BABAM2: variants seen among roughly 807,000 people sequenced by gnomAD.
The protein encoded by BABAM2 is BRISC and BRCA1 A complex member 2, also known as BRISC and BRCA1-A complex member 2.
Under a neutral mutation model 54.7 loss-of-function variants are expected in BABAM2, and 31 were observed. The ratio of observed to expected loss-of-function variants is 0.57; its 90% CI spans 0.43 to 0.77. The LOEUF is 0.77. Ranked by LOEUF, BABAM2 falls within the 30% of genes least tolerant of loss-of-function variation. The probability of loss-of-function intolerance (pLI) is 0.00; values close to 1 mark genes in which losing one functional copy is unlikely to be tolerated. For missense variants in BABAM2, 364 were observed against 455.8 expected, an observed-to-expected ratio of 0.80 and a Z score of 1.83; for synonymous variants, 167 against 162.9, an observed-to-expected ratio of 1.03 and a Z score of -0.19.
At chr2:27,932,648 C>T (rs1262955216) in intron 3 of BABAM2, among the ~76,000 whole-genome samples, 1 of 152,114 alleles carries the variant, frequency 6.6e-6, no homozygotes, top group East Asian at 1.9e-4. Flanking sequence ...ACCTGATCAC[C>T]CTGTCATTTT....
intron 7 of BABAM2, among the ~76,000 whole-genome samples, chr2:28,159,366 G>A (rs1477310710): frequency 1.3e-5 from 2 of 152,208 alleles, no homozygotes; most frequent in Admixed American, 1.3e-4. Context: ...TAGCAGCCCA[G>A]TGGAAAGAGC....
chr2:28,014,249 T>C (rs1305853302), intron 4 of BABAM2, among the ~76,000 whole-genome samples: 1 of 152,176 alleles, frequency 6.6e-6, no homozygotes, highest in Non-Finnish European at 1.5e-5. Flanking sequence ...AAAGATTCTT[T>C]TCAAATAACA....
intron 8 of BABAM2, 98 bp downstream of exon 8, chr2:28,237,399 G>T (rs75803941): frequency 1.9e-6 from 2 of 1,080,114 alleles, no homozygotes; most frequent in African/African-American, 1.5e-5. Flanking sequence ...TTCTCGGACC[G>T]ACTGCTCAGT....
chr2:28,063,726 C>G (rs1275887313), intron 6 of BABAM2, among the ~76,000 whole-genome samples: 1 of 152,170 alleles, frequency 6.6e-6, no homozygotes, highest in Non-Finnish European at 1.5e-5. Flanking sequence ...GCTCCTATAA[C>G]CAGCTCTTCT....
At chr2:28,023,387 G>A (rs1675414002) in intron 4 of BABAM2, among the ~76,000 whole-genome samples, 1 of 152,126 alleles carries the variant, frequency 6.6e-6, no homozygotes, top group Admixed American at 6.5e-5. Flanking sequence ...GCTTATAAAT[G>A]TTTAGCAATG....
chr2:28,273,584 T>C (rs1685621861), intron 10 of BABAM2, among the ~76,000 whole-genome samples: 1 of 152,128 alleles, frequency 6.6e-6, no homozygotes, highest in Non-Finnish European at 1.5e-5. Flanking sequence ...CTGCATGTAG[T>C]GGCATGGACT....
intron 10 of BABAM2, among the ~76,000 whole-genome samples, chr2:28,293,981 A>G (rs1465170375): frequency 6.6e-6 from 1 of 152,248 alleles, no homozygotes; most frequent in Non-Finnish European, 1.5e-5. Context: ...GTATATGGGA[A>G]GAAGGAAATA....
At chr2:28,298,596 T>G in intron 11 of BABAM2, 105 bp downstream of exon 11, 1 of 1,375,346 alleles carries the variant, frequency 7.3e-7, no homozygotes, top group Non-Finnish European at 9.9e-7. Flanking sequence ...CTGTGCATGT[T>G]TTTGTAAATA....
chr2:27,919,765 A>G (rs1667220414), intron 2 of BABAM2, among the ~76,000 whole-genome samples: 1 of 152,202 alleles, frequency 6.6e-6, no homozygotes, highest in Non-Finnish European at 1.5e-5. Flanking sequence ...CATCATTCCT[A>G]CTGAAACCAT....
At chr2:28,073,024 T>A (rs948585578) in intron 6 of BABAM2, among the ~76,000 whole-genome samples, 2 of 152,244 alleles carry the variant, frequency 1.3e-5, no homozygotes, top group Non-Finnish European at 2.9e-5. Flanking sequence ...AATGCCATGC[T>A]GCCTTTCCTT....
At chr2:28,296,388 A>G (rs995056724) in intron 10 of BABAM2, among the ~76,000 whole-genome samples, 17 of 152,202 alleles carry the variant, frequency 1.1e-4, no homozygotes, top group African/African-American at 4.1e-4. Flanking sequence ...AAATGTGACT[A>G]AAGAGTGGAC....
chr2:28,244,511 G>A (rs1425120849), intron 9 of BABAM2, among the ~76,000 whole-genome samples: 1 of 151,856 alleles, frequency 6.6e-6, no homozygotes, highest in Admixed American at 6.6e-5. Flanking sequence ...TTTTATACTT[G>A]TTTTGCAGGT....
rs576892163 is a variant in BABAM2, at chr2:28,075,804, A to G, written c.570+30005A>G. Among the ~76,000 whole-genome samples the G allele has an allele frequency of 7.9e-5, 12 of 152,300 alleles. No individual in the cohort carries two copies. In the South Asian group the frequency reaches 2.1e-3, roughly 26 times the overall value. On this transcript the variant is annotated intron_variant, in intron 6 of 11. Coordinates refer to ENST00000379624, the MANE Select transcript of BABAM2 (RefSeq NM_199191.3). ...TGATTCCTGAAACTATAATAGAACT[A>G]TTATTTTCACTTCATTTGAATGAGA...
At chr2:27,980,584 A>G (rs1285659217) in intron 3 of BABAM2, among the ~76,000 whole-genome samples, 1 of 152,236 alleles carries the variant, frequency 6.6e-6, no homozygotes, top group Admixed American at 6.5e-5. Context: ...TCTGAGGTTG[A>G]AGGTAGGAGC....
chr2:28,250,784 A>G (rs754602237), intron 10 of BABAM2, among the ~76,000 whole-genome samples: 4 of 152,086 alleles, frequency 2.6e-5, no homozygotes, highest in Non-Finnish European at 5.9e-5. Context: ...TGTTTTTAGT[A>G]GAGACAGGGT....
At position 28,188,039 on chromosome 2, in the gene BABAM2, C is replaced by T. The variant is rs548235482; in HGVS notation, c.681-49163C>T. Among the ~76,000 whole-genome samples the T allele has an allele frequency of 5.9e-5, 9 of 152,096 alleles. No homozygotes were observed. In the South Asian group the frequency reaches 8.3e-4, roughly 14 times the overall value. ...AAGGACTCAAGTATTTTTCCCCGGG[C>T]GCAGGCAGTAGATATATATGTATTC... is the stretch of plus-strand genomic sequence containing the variant. On this transcript the variant is annotated intron_variant, in intron 7 of 11. Coordinates refer to ENST00000379624, the MANE Select transcript of BABAM2 (RefSeq NM_199191.3).
rs192210275 is a variant in BABAM2 at position 28,249,213 on chromosome 2, C to T, written c.934+4351C>T. Among the ~76,000 whole-genome samples the T allele has an allele frequency of 2.8e-4, 42 of 151,892 alleles. No homozygotes were observed. In the East Asian group the frequency reaches 8.0e-3, roughly 29 times the overall value. Reference sequence around the variant, plus strand: ...AAGCGTTTCTTCTGCCTCAGCCTCCCGAGTAGCTGGGACTACAGGCATGTG... The same window carrying T: ...AAGCGTTTCTTCTGCCTCAGCCTCCTGAGTAGCTGGGACTACAGGCATGTG... On this transcript the variant is annotated intron_variant, in intron 10 of 11. Transcript: ENST00000379624.
chr2:27,964,875 G>A (rs893249470), intron 3 of BABAM2, among the ~76,000 whole-genome samples: 6 of 152,172 alleles, frequency 3.9e-5, no homozygotes, highest in African/African-American at 7.2e-5. Flanking sequence ...CCAAGTAGAA[G>A]TTATTAGGAA....
At chr2:28,047,347 T>C (rs904434448) in intron 6 of BABAM2, among the ~76,000 whole-genome samples, 2 of 152,232 alleles carry the variant, frequency 1.3e-5, no homozygotes, top group Non-Finnish European at 2.9e-5. Flanking sequence ...ACCTCCTCCA[T>C]GTATTCCAGT....
Sources: gnomAD v4.1 joint callset for allele counts (sites outside exome capture counted in the v4.1 genomes callset) on GRCh38, gnomAD v4.1.1 for gene constraint, MANE v1.5 for transcripts, NCBI Gene and HGNC (gene_info 2026-07-23, HGNC 2026-07-21) for gene names.